MIS18A: variants seen among roughly 807,000 people sequenced by gnomAD.
MIS18A encodes the protein protein Mis18-alpha.
A neutral mutation model predicts 25.0 loss-of-function variants in MIS18A; 14 were observed. The observed-to-expected ratio is 0.56, with a 90% CI of 0.37 to 0.88. The LOEUF is 0.88. Among genes scored for constraint, MIS18A ranks in the 40% least tolerant of loss-of-function variants. MIS18A has a pLI of 0.00. For synonymous variants in MIS18A, 134 were observed against 118.6 expected (o/e 1.13, Z -0.84); for missense variants, 292 against 290.8 (o/e 1.00, Z -0.03).
chr21:32,249,295 C>A, the MIS18A span, among the ~76,000 whole-genome samples: 1 of 152,176 alleles, frequency 6.6e-6, no homozygotes, highest in East Asian at 1.9e-4. Flanking sequence ...CACCATGAAA[C>A]CCTCCATGCG....
the MIS18A span, among the ~76,000 whole-genome samples, chr21:32,222,833 AAGG>A: frequency 6.6e-6 from 1 of 151,950 alleles, no homozygotes; most frequent in Non-Finnish European, 1.5e-5. Flanking sequence ...TGGGAGGCTA[AAGG>A]AGGAGAACAG....
At chr21:32,160,676 C>T in the MIS18A span, among the ~76,000 whole-genome samples, 3 of 150,244 alleles carry the variant, frequency 2.0e-5, no homozygotes, top group East Asian at 2.0e-4. Context: ...GACAGAGTTT[C>T]GCTGGAGTGC....
the MIS18A span, among the ~76,000 whole-genome samples, chr21:32,191,690 G>A: frequency 1.3e-5 from 2 of 152,232 alleles, no homozygotes; most frequent in Admixed American, 6.5e-5. Context: ...GGTCACCTGA[G>A]GTCAGGAGTT....
the MIS18A span, among the ~76,000 whole-genome samples, chr21:32,190,206 G>GTC: frequency 1.1e-4 from 17 of 151,632 alleles, no homozygotes; most frequent in African/African-American, 2.9e-4. Context: ...TCATCTCACT[G>GTC]TCTCTCTCTC....
chr21:32,210,147 A>C, the MIS18A span, among the ~76,000 whole-genome samples: 1 of 152,046 alleles, frequency 6.6e-6, no homozygotes, highest in Non-Finnish European at 1.5e-5. Context: ...AGGTGCTGGC[A>C]CTCACTTCTT....
At chr21:32,171,164 G>A in the MIS18A span, among the ~76,000 whole-genome samples, 1 of 151,972 alleles carries the variant, frequency 6.6e-6, no homozygotes, top group Non-Finnish European at 1.5e-5. Context: ...GAAATAAAAT[G>A]TATCCAGATT....
At chr21:32,238,504 T>C in the MIS18A span, among the ~76,000 whole-genome samples, 1 of 152,172 alleles carries the variant, frequency 6.6e-6, no homozygotes, top group Non-Finnish European at 1.5e-5. Context: ...ACTTTAATCA[T>C]AACTTGCTCC....
chr21:32,177,237 T>A, the MIS18A span, among the ~76,000 whole-genome samples: 6 of 152,144 alleles, frequency 3.9e-5, no homozygotes, highest in Admixed American at 3.9e-4. Flanking sequence ...CAGAAAAGCA[T>A]CCAATAAAAT....
the MIS18A span, among the ~76,000 whole-genome samples, chr21:32,238,090 G>A: frequency 1.7e-4 from 26 of 152,160 alleles, no homozygotes; most frequent in African/African-American, 6.3e-4. Context: ...GAGAATGGCA[G>A]TGTCTCCACA....
At chr21:32,266,181 CTCTA>C (rs564371999), downstream of MIS18A, among the ~76,000 whole-genome samples, 406 of 152,342 alleles carry the variant, frequency 2.7e-3, no homozygotes, top group African/African-American at 9.3e-3. Flanking sequence ...CCAATCAACA[CTCTA>C]TCTAGCTGCT....
chr21:32,160,329 CACAT>C, the MIS18A span, among the ~76,000 whole-genome samples: 48 of 138,894 alleles, frequency 3.5e-4, no homozygotes, highest in African/African-American at 9.8e-4. Context: ...CACACACACA[CACAT>C]ACACCATTTC....
chr21:32,274,725 A>G, intron 2 of MIS18A, 105 bp downstream of exon 2: 2 of 871,686 alleles, frequency 2.3e-6, no homozygotes, highest in South Asian at 1.6e-5. Flanking sequence ...TTTTACTATC[A>G]TGAAAAGTTT....
the MIS18A span, among the ~76,000 whole-genome samples, chr21:32,247,063 T>A: frequency 6.6e-6 from 1 of 152,162 alleles, no homozygotes; most frequent in African/African-American, 2.4e-5. Flanking sequence ...CCAGCAACTC[T>A]CGTCAACACC....
chr21:32,185,230 T>G, the MIS18A span, among the ~76,000 whole-genome samples: 266 of 152,234 alleles, frequency 1.7e-3, no homozygotes, highest in African/African-American at 6.0e-3. Flanking sequence ...GCAGTTTCTA[T>G]AAACACCCTG....
At chr21:32,260,444 A>G in the MIS18A span, 724 of 152,880 alleles carry the variant, frequency 4.7e-3, 5 homozygotes, top group Middle Eastern at 0.017. Flanking sequence ...TCGGCAGATC[A>G]TTAGAAACTC....
At chr21:32,236,792 G>A in the MIS18A span, among the ~76,000 whole-genome samples, 1 of 152,158 alleles carries the variant, frequency 6.6e-6, no homozygotes, top group East Asian at 1.9e-4. Flanking sequence ...AAGGGAGGCT[G>A]GCAGATGGAG....
chr21:32,169,878 C>T, the MIS18A span, among the ~76,000 whole-genome samples: 1 of 151,980 alleles, frequency 6.6e-6, no homozygotes, highest in Non-Finnish European at 1.5e-5. Flanking sequence ...TAAAAAACAA[C>T]AACAAAACTT....
the MIS18A span, among the ~76,000 whole-genome samples, chr21:32,159,346 T>C: frequency 6.6e-6 from 1 of 152,240 alleles, no homozygotes; most frequent in Admixed American, 6.5e-5. Context: ...AGCTGTGAAT[T>C]TCAGGTATTT....
intron 2 of MIS18A, among the ~76,000 whole-genome samples, chr21:32,273,122 T>C (rs552301815): frequency 1.3e-5 from 2 of 151,952 alleles, no homozygotes; most frequent in South Asian, 2.1e-4. Flanking sequence ...TTTCTTTTTT[T>C]TTTTTTTTCA....
Sources: gnomAD v4.1 joint callset for allele counts (sites outside exome capture counted in the v4.1 genomes callset) on GRCh38, gnomAD v4.1.1 for gene constraint, MANE v1.5 for transcripts, NCBI Gene and HGNC (gene_info 2026-07-23, HGNC 2026-07-21) for gene names.